DNAH10: variants seen among roughly 807,000 people sequenced by gnomAD.
DNAH10 encodes axonemal beta dynein heavy chain 10.
Under a neutral mutation model 506.6 loss-of-function variants are expected in DNAH10, and 348 were observed. The observed-to-expected ratio is 0.69, with a 90% CI of 0.63 to 0.75. DNAH10 has a LOEUF of 0.75. Among genes scored for constraint, DNAH10 ranks in the 30% least tolerant of loss-of-function variants. The pLI is 0.00. For missense variants in DNAH10, 5,179 were observed against 5,787.1 expected, an observed-to-expected ratio of 0.89 and a Z score of 3.41; for synonymous variants, 2,059 against 2,198.6, an observed-to-expected ratio of 0.94 and a Z score of 1.78.
rs201809546 is a variant in DNAH10 at position 123,930,230 on chromosome 12, A to G, written c.12613-172A>G. 2.1e-4 allele frequency: 125 copies of G among 604,578 alleles called. No individual in the cohort carries two copies. The East Asian group carries it at 3.7e-3, about 18-fold the overall frequency. The allele number at this position is 604,578 out of a possible 1,614,324, so 37.5% of individuals were successfully genotyped here. ...CCTTGGGAAGCCAGCAAAGCCACAGATCAATTGTGTGAACAGTGGCCCGAA... is the reference window on the plus strand; with the variant it reads ...CCTTGGGAAGCCAGCAAAGCCACAGGTCAATTGTGTGAACAGTGGCCCGAA... On this transcript the variant is annotated intron_variant, in intron 72 of 78. Coordinates refer to ENST00000673944, the MANE Select transcript of DNAH10 (RefSeq NM_001372106.1).
chr12:123,879,132 A>AG, intron 48 of DNAH10, 132 bp from the exon 49 acceptor site: 1 of 684,622 alleles, frequency 1.5e-6, no homozygotes, highest in Non-Finnish European at 2.5e-6. Context: ...ACGTGAGACT[A>AG]GGGGGGCACG....
At chr12:123,848,286 A>G (rs1951034731) in intron 33 of DNAH10, among the ~76,000 whole-genome samples, 191 bp downstream of exon 33, 1 of 152,266 alleles carries the variant, frequency 6.6e-6, no homozygotes, top group Non-Finnish European at 1.5e-5. Context: ...ATGTAGAGCA[A>G]GAGTCCCGGA....
chr12:123,799,193 T>TAGCC, intron 13 of DNAH10, 53 bp from the exon 14 acceptor site: 2 of 1,532,242 alleles, frequency 1.3e-6, no homozygotes, highest in Non-Finnish European at 1.8e-6. Flanking sequence ...TAGAGCGAGA[T>TAGCC]GAAAAATGTT....
At chr12:123,883,411 GC>G (rs1952595724) in intron 51 of DNAH10, among the ~76,000 whole-genome samples, 1 of 152,178 alleles carries the variant, frequency 6.6e-6, no homozygotes, top group African/African-American at 2.4e-5. Flanking sequence ...CCTGCAAGGG[GC>G]CTCTCGAAGT....
In DNAH10 at chr12:123,762,634, C is replaced by G; in HGVS notation, c.214+84C>G. ...CCGGCGGGCGCCGGGGCTGCTAGAG[C>G]CTGCCCATCGTCCGGCCCCGGCCTC... On this transcript the variant is annotated intron_variant, in intron 1 of 78. Coordinates refer to ENST00000673944, the MANE Select transcript of DNAH10 (RefSeq NM_001372106.1). This position sits in a 1 kb window ranked among gnomAD's most constrained non-coding sequence, Gnocchi z 5.0. 3 of 1,393,394 alleles carry G rather than the reference C, an allele frequency of 2.2e-6. No individual in the cohort carries two copies. The highest frequency in any genetic ancestry group is 9.6e-7 in the Non-Finnish European group (1 of 1,041,948). The allele number at this position is 1,393,394 out of a possible 1,614,324, so 86.3% of individuals were successfully genotyped here. A position where few individuals can be genotyped will look rare whatever the true frequency, so the allele number is the denominator to read the frequency against.
chr12:123,818,330 C>T (rs1959180618), intron 21 of DNAH10, among the ~76,000 whole-genome samples: 1 of 151,762 alleles, frequency 6.6e-6, no homozygotes, highest in African/African-American at 2.4e-5. Context: ...TTTTATTTTA[C>T]TTTATTTTTT....
At chr12:123,892,135 C>G (rs1191052031) in intron 52 of DNAH10, among the ~76,000 whole-genome samples, 1 of 152,246 alleles carries the variant, frequency 6.6e-6, no homozygotes, top group Non-Finnish European at 1.5e-5. Flanking sequence ...CAATGTTAGG[C>G]TGTTCTTGCA....
Position 123,935,463 on chromosome 12 carries a change from C to A in DNAH10, c.13752C>A (p.Leu4584=). 1 of 1,592,422 alleles carries A rather than the reference C, an allele frequency of 6.3e-7. No individual in the cohort carries two copies. Among genetic ancestry groups the A allele is most frequent in the Admixed American group, 1.7e-5 (1 of 59,746 alleles). ...ACTGGGTGCTGCAAGGAGTATGCCTCACCCTGAATTCTGATTAACCTTTGG... is the reference window on the plus strand; with the variant it reads ...ACTGGGTGCTGCAAGGAGTATGCCTAACCCTGAATTCTGATTAACCTTTGG... ...ISHWVLQGVC[L]TLNSD Residue 4584 remains leucine (L), a synonymous_variant, in exon 79 of 79, where the codon CTC becomes CTA. Coordinates refer to ENST00000673944, the MANE Select transcript of DNAH10 (RefSeq NM_001372106.1).
At chr12:123,924,551 A>G in intron 67 of DNAH10, 119 bp downstream of exon 67, 2 of 1,263,304 alleles carry the variant, frequency 1.6e-6, no homozygotes. Flanking sequence ...TTCAGTGTGT[A>G]ACTGATGCCC....
Position 123,790,055 on chromosome 12 carries a change from C to A in DNAH10, c.1749C>A (p.Asp583Glu), listed in dbSNP as rs1312720253. 1 of 1,614,044 alleles carries A rather than the reference C, an allele frequency of 6.2e-7. No individual in the cohort carries two copies. Among genetic ancestry groups the A allele is most frequent in the Non-Finnish European group, 8.5e-7 (1 of 1,180,030 alleles). ...LVTPMENLTF[D>E]PFSIKSSQFW... ...CCCCCATGGAAAACCTGACCTTTGA[C>A]CCCTTCAGCATCAAGTCCTCCCAGT... The change falls in exon 11 of 79, where the codon GAC becomes GAA. Residue 583 changes from aspartate (D) to glutamate (E), a missense_variant. Coordinates refer to ENST00000673944, the MANE Select transcript of DNAH10 (RefSeq NM_001372106.1).
chr12:123,841,017 G>T (rs1207138423), intron 29 of DNAH10, among the ~76,000 whole-genome samples: 1 of 152,182 alleles, frequency 6.6e-6, no homozygotes, highest in Non-Finnish European at 1.5e-5. Context: ...CCTCCTCCAC[G>T]TTCCACTGGC....
At position 123,850,818 on chromosome 12, in the gene DNAH10, C is replaced by G. The variant is rs1279842774; in HGVS notation, c.6103-70C>G. ...GAATCGCCACGCAGCTCGCCGCAGGCCCCCTTTCCAAGGGGCTGGCCGGCC... is the reference window on the plus strand; with the variant it reads ...GAATCGCCACGCAGCTCGCCGCAGGGCCCCTTTCCAAGGGGCTGGCCGGCC... On this transcript the variant is annotated intron_variant, in intron 34 of 78. Coordinates refer to ENST00000673944, the MANE Select transcript of DNAH10 (RefSeq NM_001372106.1). This position sits in a 1 kb window ranked among gnomAD's most constrained non-coding sequence, Gnocchi z 5.5. 1 of 1,485,994 alleles carries G rather than the reference C, an allele frequency of 6.7e-7. No homozygotes were observed. The highest frequency in any genetic ancestry group is 9.1e-7 in the Non-Finnish European group (1 of 1,100,060). 92.1% of individuals were successfully genotyped at this position (1,485,994 alleles called of 1,614,324 possible).
chr12:123,927,246 A>C, intron 69 of DNAH10: 1 of 190,944 alleles, frequency 5.2e-6, no homozygotes, highest in Non-Finnish European at 1.1e-5. Context: ...GAAAAATACA[A>C]ACACGTCACC....
At chr12:123,771,790 G>T in intron 3 of DNAH10, 92 bp downstream of exon 3, 1 of 1,071,294 alleles carries the variant, frequency 9.3e-7, no homozygotes, top group South Asian at 1.5e-5. Flanking sequence ...CCATCCAAGG[G>T]ATTTATCATG....
chr12:123,813,038 A>G (rs1479117977), intron 19 of DNAH10, 126 bp from the exon 20 acceptor site: 1 of 684,978 alleles, frequency 1.5e-6, no homozygotes, highest in African/African-American at 1.8e-5. Context: ...TTGAATCTCA[A>G]ATAATTTATT....
chr12:123,929,215 A>G lies in DNAH10; in HGVS notation c.12307-60A>G, dbSNP rs1445765736. The stretch of plus-strand genomic sequence containing the variant: ...AAAGCGCAGTGCCTGCATTGTGCAC[A>G]CTCTTCCAAGCTTGTGGGCCTGCGG... On this transcript the variant is annotated intron_variant, in intron 70 of 78. Transcript: ENST00000673944. 65 of 1,516,346 alleles carry G rather than the reference A, an allele frequency of 4.3e-5. 1 individual carries two copies. Among genetic ancestry groups the G allele is most frequent in the Non-Finnish European group, 5.4e-5 (60 of 1,115,736 alleles). The allele number at this position is 1,516,346 out of a possible 1,614,324, so 93.9% of individuals were successfully genotyped here. A position where few individuals can be genotyped will look rare whatever the true frequency, so the allele number is the denominator to read the frequency against.
At chr12:123,885,703 A>AT (rs2137105905) in intron 51 of DNAH10, among the ~76,000 whole-genome samples, 1 of 152,330 alleles carries the variant, frequency 6.6e-6, no homozygotes, top group East Asian at 1.9e-4. Context: ...ACAAAGGATT[A>AT]TGCTAATTTA....
At chr12:123,822,339 G>A (rs577681793) in intron 24 of DNAH10, among the ~76,000 whole-genome samples, 28 of 152,296 alleles carry the variant, frequency 1.8e-4, no homozygotes, top group African/African-American at 6.7e-4. Flanking sequence ...TGCTGTGCTG[G>A]TTGGAGTGTG....
intron 45 of DNAH10, among the ~76,000 whole-genome samples, chr12:123,872,658 T>C (rs921127903): frequency 4.0e-5 from 6 of 149,024 alleles, no homozygotes; most frequent in Admixed American, 2.6e-4. Flanking sequence ...AAAAATACCC[T>C]AGACCACCAG....
Sources: allele counts gnomAD v4.1 joint callset (sites outside exome capture counted in the v4.1 genomes callset), GRCh38; gene constraint gnomAD v4.1.1; non-coding constraint Gnocchi (gnomAD v3.1); transcripts MANE v1.5; gene names NCBI Gene and HGNC (gene_info 2026-07-23, HGNC 2026-07-21).